PKP2: variants seen among roughly 807,000 people sequenced by gnomAD.
PKP2 encodes plakophilin 2.
A neutral mutation model predicts 83.4 loss-of-function variants in PKP2; 73 were observed. The observed-to-expected ratio is 0.88, with a 90% CI of 0.72 to 1.06. The LOEUF (loss-of-function observed/expected upper bound fraction) is 1.06. PKP2 is among the 50% of genes least tolerant of loss of function. The pLI is 0.00. For synonymous variants in PKP2, 409 were observed against 430.4 expected (o/e 0.95, Z 0.62); for missense variants, 966 against 1,065.4 (o/e 0.91, Z 1.30).
intron 1 of PKP2, among the ~76,000 whole-genome samples, chr12:32,886,394 A>T (rs1175394623): frequency 6.6e-6 from 1 of 152,220 alleles, no homozygotes; most frequent in Non-Finnish European, 1.5e-5. Flanking sequence ...ATTTGAATGG[A>T]TCCTTAAAGT....
rs544506422 is a variant in PKP2, at chr12:32,855,001, T to A, written c.1171-4028A>T. On this transcript the variant is annotated intron_variant, in intron 4 of 12. Coordinates refer to ENST00000340811, the MANE Select transcript of PKP2 (RefSeq NM_001005242.3). ...TCCAGCTCAAATGTCACCTCCTCTA[T>A]GAAATGTCACTCCTTTCTCTGCTTT... Among the ~76,000 whole-genome samples the A allele has an allele frequency of 2.0e-5, 3 of 152,314 alleles. No homozygotes were observed. The South Asian group carries it at 6.2e-4, about 32-fold the overall frequency.
In PKP2 at chr12:32,821,488, G is replaced by C; in HGVS notation, c.1881C>G (p.Pro627=). Residue 627 remains proline (P), a synonymous_variant, in exon 9 of 13, where the codon CCC becomes CCG. Transcript: ENST00000340811. The part of the protein sequence containing the change: ...DVPMPEEKSN[P]KGVEWLWHSI... ...AATGCCACAGCCACTCCACGCCCTT[G>C]GGGTTGCTCTTTTCCTCCGGCATCG... 1 of 1,613,986 alleles carries C rather than the reference G, an allele frequency of 6.2e-7. No individual in the cohort carries two copies. Among genetic ancestry groups the C allele is most frequent in the Non-Finnish European group, 8.5e-7 (1 of 1,179,982 alleles).
At chr12:32,880,190 C>T (rs1204176427) in intron 1 of PKP2, among the ~76,000 whole-genome samples, 1 of 151,586 alleles carries the variant, frequency 6.6e-6, no homozygotes, top group Admixed American at 6.6e-5. Context: ...ATCATGAGGT[C>T]AGGAGTTTGA....
intron 1 of PKP2, among the ~76,000 whole-genome samples, chr12:32,896,151 T>A (rs1047328426): frequency 6.6e-6 from 1 of 152,200 alleles, no homozygotes; most frequent in African/African-American, 2.4e-5. Context: ...CCAAAAATTC[T>A]GCATAGCATC....
chr12:32,886,095 T>C (rs1433557861), intron 1 of PKP2, among the ~76,000 whole-genome samples: 2 of 152,192 alleles, frequency 1.3e-5, no homozygotes, highest in East Asian at 3.9e-4. Flanking sequence ...TGTTCGCTAT[T>C]AGTATTGATT....
At chr12:32,847,467 G>C (rs1018020889) in intron 5 of PKP2, among the ~76,000 whole-genome samples, 1 of 152,156 alleles carries the variant, frequency 6.6e-6, no homozygotes, top group African/African-American at 2.4e-5. Flanking sequence ...GTTCTCTGAC[G>C]TTAGTCTCCT....
At chr12:32,840,381 C>G (rs1301262729) in intron 6 of PKP2, among the ~76,000 whole-genome samples, 3 of 152,182 alleles carry the variant, frequency 2.0e-5, no homozygotes, top group Admixed American at 1.3e-4. Context: ...TCACTGGAAC[C>G]TCAACCTCCT....
intron 4 of PKP2, among the ~76,000 whole-genome samples, chr12:32,858,108 T>C (rs1231681272): frequency 1.2e-3 from 112 of 96,018 alleles, no homozygotes; most frequent in African/African-American, 3.3e-3. Flanking sequence ...TATATATATA[T>C]ATATATATTT....
intron 1 of PKP2, among the ~76,000 whole-genome samples, chr12:32,891,459 A>T (rs1404387740): frequency 6.6e-6 from 1 of 152,218 alleles, no homozygotes; most frequent in Non-Finnish European, 1.5e-5. Context: ...GGGTAAAATC[A>T]ATGTTAAAAT....
intron 9 of PKP2, among the ~76,000 whole-genome samples, chr12:32,811,977 T>C (rs542516055): frequency 5.3e-5 from 8 of 152,154 alleles, no homozygotes; most frequent in East Asian, 1.9e-4. Flanking sequence ...ATGTGGGGCA[T>C]TGTGGGAAAC....
In PKP2 at chr12:32,850,913, C is replaced by T. The variant is rs192041220; in HGVS notation, c.1231G>A (p.Val411Ile). Residue 411 changes from valine (V) to isoleucine (I), a missense_variant, in exon 5 of 13, where the codon GTT becomes ATT. Physicochemically the swap from Val to Ile is conservative, Grantham distance 29. Transcript: ENST00000340811. ...LQLLKVQNEDVQRAVCGALRN... is the reference protein window; with the variant it reads ...LQLLKVQNEDIQRAVCGALRN... ...AAGGCCCCACACACAGCTCGCTGAA[C>T]GTCTTCATTCTGAACTTTTAGGAGC... is the stretch of plus-strand genomic sequence containing the variant. 81 of 1,614,130 alleles carry T rather than the reference C, an allele frequency of 5.0e-5. 1 individual carries two copies. The highest frequency in any genetic ancestry group is 4.6e-4 in the South Asian group (42 of 91,084).
chr12:32,813,168 A>G (rs1448539848), intron 9 of PKP2, among the ~76,000 whole-genome samples: 1 of 152,194 alleles, frequency 6.6e-6, no homozygotes, highest in Non-Finnish European at 1.5e-5. Flanking sequence ...TAAAACAAAA[A>G]TGTAAACAAA....
chr12:32,867,524 T>TA (rs1412642249), intron 4 of PKP2, among the ~76,000 whole-genome samples: 8 of 152,148 alleles, frequency 5.3e-5, no homozygotes, highest in African/African-American at 1.9e-4. Flanking sequence ...ATAAGGTAGT[T>TA]AAAAAATCAA....
intron 9 of PKP2, among the ~76,000 whole-genome samples, chr12:32,810,007 G>C (rs1361717271): frequency 6.6e-6 from 1 of 152,130 alleles, no homozygotes; most frequent in Non-Finnish European, 1.5e-5. Context: ...GCTTCTAATG[G>C]GCCCTCTTGG....
intron 4 of PKP2, chr12:32,863,324 T>C (rs891436583): frequency 3.9e-6 from 1 of 258,118 alleles, no homozygotes. Context: ...TGGGGAAAGG[T>C]AACTTGGGCG....
intron 10 of PKP2, among the ~76,000 whole-genome samples, chr12:32,799,183 A>T (rs970298381): frequency 2.0e-5 from 3 of 152,358 alleles, no homozygotes; most frequent in African/African-American, 7.2e-5. Context: ...ATATGAAAAA[A>T]TGCTCAACAT....
intron 5 of PKP2, among the ~76,000 whole-genome samples, chr12:32,842,280 C>T (rs1011778384): frequency 6.6e-6 from 1 of 152,092 alleles, no homozygotes; most frequent in Non-Finnish European, 1.5e-5. Flanking sequence ...CACTCTATTG[C>T]CCATGCTGGA....
At position 32,843,322 on chromosome 12, in the gene PKP2, A is replaced by G. The variant is rs1956617482; in HGVS notation, c.1379-2117T>C. On this transcript the variant is annotated intron_variant, in intron 5 of 12. Transcript: ENST00000340811. ...TAAATTGACTGTATGGTCTGTACAA[A>G]GGAAAGAGGAAGCATAGGTACTCAG... 7.3e-7 allele frequency: 1 copy of G among 1,365,120 alleles called. No homozygotes were observed. Among genetic ancestry groups the G allele is most frequent in the African/African-American group, 1.5e-5 (1 of 67,760 alleles). The allele number at this position is 1,365,120 out of a possible 1,614,324, so 84.6% of individuals were successfully genotyped here.
At chr12:32,816,331 T>C (rs1003201578) in intron 9 of PKP2, among the ~76,000 whole-genome samples, 78 of 152,328 alleles carry the variant, frequency 5.1e-4, no homozygotes, top group African/African-American at 1.7e-3. Context: ...TGGGAGAATA[T>C]GTGGTATTTG....
Sources: gnomAD v4.1 joint callset for allele counts (sites outside exome capture counted in the v4.1 genomes callset) on GRCh38, gnomAD v4.1.1 for gene constraint, MANE v1.5 for transcripts, NCBI Gene and HGNC (gene_info 2026-07-23, HGNC 2026-07-21) for gene names.